Variants in EPB41L4B observed in about 807,000 individuals in gnomAD.
EPB41L4B encodes the protein band 4.1-like protein 4B.
In EPB41L4B, 30 loss-of-function variants were observed where a neutral mutation model predicts 112.5. That is an observed-to-expected ratio of 0.27 (90% CI 0.20 to 0.36). The LOEUF is 0.36. Ranked by LOEUF, EPB41L4B falls within the 10% of genes least tolerant of loss-of-function variation. The probability of loss-of-function intolerance (pLI) is 1.00; values close to 1 mark genes in which losing one functional copy is unlikely to be tolerated. For missense variants in EPB41L4B, 1,024 were observed against 1,133.3 expected (o/e 0.90, Z 1.38); for synonymous variants, 408 against 439.7 (o/e 0.93, Z 0.90).
At chr9:109,278,640 T>C (rs1178039979) in intron 2 of EPB41L4B, among the ~76,000 whole-genome samples, 1 of 152,094 alleles carries the variant, frequency 6.6e-6, no homozygotes, top group Non-Finnish European at 1.5e-5. Context: ...ACCCAGACTT[T>C]AATACACTGT....
At chr9:109,254,822 A>G (rs1407753500) in intron 11 of EPB41L4B, among the ~76,000 whole-genome samples, 1 of 152,196 alleles carries the variant, frequency 6.6e-6, no homozygotes, top group African/African-American at 2.4e-5. Context: ...TCAGATTCAA[A>G]TATCTACTCA....
At chr9:109,231,157 C>CA (rs57118508) in intron 15 of EPB41L4B, among the ~76,000 whole-genome samples, 19,643 of 82,658 alleles carry the variant, frequency 0.24, 1,441 homozygotes, top group East Asian at 0.3. Flanking sequence ...AACTCCATCT[C>CA]AAAAAAAAAA....
chr9:109,185,250 C>A (rs531049476), intron 23 of EPB41L4B, among the ~76,000 whole-genome samples: 1 of 152,358 alleles, frequency 6.6e-6, no homozygotes, highest in South Asian at 2.1e-4. Flanking sequence ...TCTAGGAAAA[C>A]AAACTCTTCT....
At chr9:109,267,593 A>G (rs1434660177) in intron 3 of EPB41L4B, 42 bp from the exon 4 acceptor site, 2 of 1,306,350 alleles carry the variant, frequency 1.5e-6, no homozygotes, top group Admixed American at 1.7e-5. Context: ...TTTTTCCCCC[A>G]GTTTTGAAGA....
Position 109,243,751 on chromosome 9 carries a change from C to G in EPB41L4B, c.1345-69G>C, listed in dbSNP as rs1018213701. On this transcript the variant is annotated intron_variant, in intron 14 of 25. Transcript: ENST00000374566. ...TTTCAATGGTCCTCATTCGCTTTGTCTGTTCCTGGCATCCACCCGAGGGGC... is the reference window on the plus strand; with the variant it reads ...TTTCAATGGTCCTCATTCGCTTTGTGTGTTCCTGGCATCCACCCGAGGGGC... 7 of 1,505,124 alleles carry G rather than the reference C, an allele frequency of 4.7e-6. No individual in the cohort carries two copies. In the Admixed American group the frequency reaches 1.0e-4, roughly 22 times the overall value. The allele number at this position is 1,505,124 out of a possible 1,614,324, so 93.2% of individuals were successfully genotyped here. A position where few individuals can be genotyped will look rare whatever the true frequency, so the allele number is the denominator to read the frequency against.
chr9:109,199,076 G>A (rs1319443307), intron 20 of EPB41L4B, among the ~76,000 whole-genome samples: 4 of 152,064 alleles, frequency 2.6e-5, no homozygotes, highest in East Asian at 3.9e-4. Flanking sequence ...TGAGTCTTTG[G>A]ATGGGAATTG....
chr9:109,200,138 G>C (rs7864511), intron 20 of EPB41L4B, 98 bp downstream of exon 20: 370,476 of 920,042 alleles, frequency 0.4, 75,774 homozygotes, highest in East Asian at 0.5. Context: ...TTTGGGGGCT[G>C]CTCCCTGGGA....
At chr9:109,260,312 C>G (rs1332466558) in intron 6 of EPB41L4B, among the ~76,000 whole-genome samples, 1 of 152,022 alleles carries the variant, frequency 6.6e-6, no homozygotes, top group African/African-American at 2.4e-5. Context: ...CCAAGCGATC[C>G]GCCCACCTCA....
At chr9:109,281,679 G>A (rs1214908163) in intron 1 of EPB41L4B, among the ~76,000 whole-genome samples, 2 of 146,174 alleles carry the variant, frequency 1.4e-5, no homozygotes, top group East Asian at 2.0e-4. Flanking sequence ...GCGAGACTCC[G>A]TCTCATAAAT....
At chr9:109,243,772 G>A in intron 14 of EPB41L4B, 90 bp from the exon 15 acceptor site, 1 of 1,278,002 alleles carries the variant, frequency 7.8e-7, no homozygotes, top group Non-Finnish European at 1.1e-6. Flanking sequence ...ATCCACCCGA[G>A]GGGCTGGGGG....
chr9:109,251,606 C>T, intron 12 of EPB41L4B, 95 bp from the exon 13 acceptor site: 1 of 1,162,882 alleles, frequency 8.6e-7, no homozygotes. Context: ...CTTCTACCAT[C>T]ACAGAGCCTT....
chr9:109,204,102 T>C (rs1321721423), intron 18 of EPB41L4B, among the ~76,000 whole-genome samples: 3 of 152,224 alleles, frequency 2.0e-5, no homozygotes, highest in East Asian at 1.9e-4. Flanking sequence ...TATGTTCACA[T>C]AGCACTTACA....
chr9:109,237,842 G>A (rs1265119729), intron 15 of EPB41L4B, among the ~76,000 whole-genome samples: 1 of 152,114 alleles, frequency 6.6e-6, no homozygotes, highest in East Asian at 1.9e-4. Flanking sequence ...GGTGGGGGCT[G>A]TATGGACAGT....
At chr9:109,289,595 T>C (rs558617897) in intron 1 of EPB41L4B, among the ~76,000 whole-genome samples, 17 of 152,202 alleles carry the variant, frequency 1.1e-4, no homozygotes, top group Non-Finnish European at 1.5e-4. Context: ...CCAAATCCAC[T>C]GGAATTCTCT....
At chr9:109,286,056 C>A (rs1288153888) in intron 1 of EPB41L4B, among the ~76,000 whole-genome samples, 1 of 151,878 alleles carries the variant, frequency 6.6e-6, no homozygotes, top group Non-Finnish European at 1.5e-5. Flanking sequence ...CATCTGAGTA[C>A]CCACATCTCT....
rs760703289 is a variant in EPB41L4B, at chr9:109,213,651, G to T, written c.1752+49C>A. Reference sequence around the variant, plus strand: ...AGGCTAGGGTAGTAATCAGAGGTTTGATGTCAGCACCAAGTCCATGGTCAT... The same window carrying T: ...AGGCTAGGGTAGTAATCAGAGGTTTTATGTCAGCACCAAGTCCATGGTCAT... On this transcript the variant is annotated intron_variant, in intron 17 of 25. Coordinates refer to ENST00000374566, the MANE Select transcript of EPB41L4B (RefSeq NM_019114.5). 22 of 1,502,568 alleles carry T rather than the reference G, an allele frequency of 1.5e-5. No individual in the cohort carries two copies. The South Asian group carries it at 2.5e-4, about 17-fold the overall frequency. The allele number at this position is 1,502,568 out of a possible 1,614,324, so 93.1% of individuals were successfully genotyped here.
At chr9:109,270,847 T>C (rs1835583201) in intron 2 of EPB41L4B, among the ~76,000 whole-genome samples, 1 of 152,204 alleles carries the variant, frequency 6.6e-6, no homozygotes, top group African/African-American at 2.4e-5. Context: ...TGTATTAGTA[T>C]TACCATCACT....
intron 20 of EPB41L4B, among the ~76,000 whole-genome samples, chr9:109,196,520 C>T (rs1407905607): frequency 6.6e-6 from 1 of 152,096 alleles, no homozygotes; most frequent in Admixed American, 6.5e-5. Context: ...GAGTCCGAGA[C>T]CAGCCTGGGC....
intron 15 of EPB41L4B, 110 bp from the exon 16 acceptor site, chr9:109,217,255 A>G: frequency 1.2e-6 from 1 of 866,212 alleles, no homozygotes; most frequent in South Asian, 1.6e-5. Flanking sequence ...AATAAACTCA[A>G]AAACTAGATC....
Sources: gnomAD v4.1 joint callset for allele counts (sites outside exome capture counted in the v4.1 genomes callset) on GRCh38, gnomAD v4.1.1 for gene constraint, MANE v1.5 for transcripts, NCBI Gene and HGNC (gene_info 2026-07-23, HGNC 2026-07-21) for gene names.